The following CDH17 variants were observed in gnomAD, a reference collection of about 807,000 sequenced individuals.
CDH17 encodes cadherin-17.
CDH17 carries 67 observed loss-of-function variants against 86.3 expected under a neutral mutation model. That is an observed-to-expected ratio of 0.78 (90% CI 0.64 to 0.95). The LOEUF (loss-of-function observed/expected upper bound fraction) is 0.95, where lower values mean the gene tolerates loss of function less well. Among genes scored for constraint, CDH17 ranks in the 40% least tolerant of loss-of-function variants. The pLI is 0.00. For missense variants in CDH17, 993 were observed against 1,017.6 expected, an observed-to-expected ratio of 0.98 and a Z score of 0.33; for synonymous variants, 367 against 366.4, an observed-to-expected ratio of 1.00 and a Z score of -0.02.
intron 1 of CDH17, among the ~76,000 whole-genome samples, chr8:94,204,659 C>A (rs1311413030): frequency 2.0e-5 from 3 of 152,076 alleles, no homozygotes; most frequent in African/African-American, 4.8e-5. Flanking sequence ...TGGGTATATA[C>A]CCAGTAATGG....
At chr8:94,200,537 G>GTTTTTTTTTTTTTTTTTTTT (rs10600702) in intron 1 of CDH17, among the ~76,000 whole-genome samples, 4 of 56,914 alleles carry the variant, frequency 7.0e-5, no homozygotes, top group Admixed American at 2.4e-4. Flanking sequence ...ATTATCTTTT[G>GTTTTTTTTTTTTTTTTTTTT]TTTTTTTTTT....
intron 3 of CDH17, among the ~76,000 whole-genome samples, chr8:94,185,015 A>G (rs1314248255): frequency 6.6e-6 from 1 of 152,246 alleles, no homozygotes; most frequent in African/African-American, 2.4e-5. Flanking sequence ...ACATCTTACC[A>G]AGGCTGGGTT....
At chr8:94,194,307 C>T (rs1279695385) in intron 2 of CDH17, among the ~76,000 whole-genome samples, 1 of 152,184 alleles carries the variant, frequency 6.6e-6, no homozygotes, top group East Asian at 1.9e-4. Flanking sequence ...GATTAAGGGA[C>T]ACAGACTAAT....
intron 1 of CDH17, among the ~76,000 whole-genome samples, chr8:94,198,644 G>T (rs1323280515): frequency 6.6e-6 from 1 of 152,062 alleles, no homozygotes; most frequent in Non-Finnish European, 1.5e-5. Context: ...AGCCTTATCT[G>T]CCACTCCCTT....
upstream of CDH17, among the ~76,000 whole-genome samples, chr8:94,211,920 C>T (rs1814127770): frequency 6.6e-6 from 1 of 152,154 alleles, no homozygotes; most frequent in Non-Finnish European, 1.5e-5. Flanking sequence ...GTCATGATTA[C>T]CTGCAGGCTC....
intron 9 of CDH17, among the ~76,000 whole-genome samples, chr8:94,166,782 C>T (rs1320361906): frequency 1.3e-5 from 2 of 152,106 alleles, no homozygotes; most frequent in Admixed American, 1.3e-4. Context: ...AGGAAATGAT[C>T]TGGAGGAGGA....
chr8:94,205,866 G>A (rs1814016504), intron 1 of CDH17, among the ~76,000 whole-genome samples: 1 of 152,154 alleles, frequency 6.6e-6, no homozygotes, highest in Non-Finnish European at 1.5e-5. Context: ...AGGAAGTGGT[G>A]TGAATGCAGG....
chr8:94,145,395 C>T (rs139866062), intron 15 of CDH17, among the ~76,000 whole-genome samples: 2 of 152,240 alleles, frequency 1.3e-5, no homozygotes, highest in African/African-American at 2.4e-5. Context: ...CTATACTATT[C>T]TATTTAGATG....
rs769967333 is a variant in CDH17 at position 94,170,870 on chromosome 8, C to T, written c.899G>A (p.Arg300Gln). The T allele has an allele frequency of 8.7e-6, 14 of 1,613,232 alleles. No homozygotes were observed. The South Asian group carries it at 8.8e-5, about 10-fold the overall frequency. The change falls in exon 8 of 18, where the codon CGA becomes CAA. Residue 300 changes from arginine to glutamine, a missense_variant. Arg to Gln is a conservative substitution (Grantham distance 43). Transcript: ENST00000027335. ...GDIYVTQPLD[R>Q]EEKDAYVFYA... is the part of the protein sequence containing the mutation. Reference sequence around the variant, plus strand: ...TTTACTCACTGCATCCTTTTCTTCTCGGTCCAAGGGCTGAGTCACGTAAAT... The same window carrying T: ...TTTACTCACTGCATCCTTTTCTTCTTGGTCCAAGGGCTGAGTCACGTAAAT...
intron 3 of CDH17, 77 bp from the exon 4 acceptor site, chr8:94,177,798 T>C: frequency 6.9e-7 from 1 of 1,447,122 alleles, no homozygotes; most frequent in South Asian, 1.3e-5. Context: ...GTCACCAATT[T>C]CAGGTAAAAT....
chr8:94,199,034 GATTGATATATAT>G (rs1273267996), intron 1 of CDH17, among the ~76,000 whole-genome samples: 3 of 99,960 alleles, frequency 3.0e-5, no homozygotes, highest in Non-Finnish European at 5.3e-5. Context: ...AGCCAGTTCT[GATTGATATATAT>G]ATATATATAT....
intron 15 of CDH17, among the ~76,000 whole-genome samples, chr8:94,132,318 T>C (rs1812436694): frequency 6.6e-6 from 1 of 152,232 alleles, no homozygotes; most frequent in South Asian, 2.1e-4. Flanking sequence ...TTCCTATTTC[T>C]CCACATCCTC....
intron 1 of CDH17, among the ~76,000 whole-genome samples, chr8:94,199,038 GAT>G (rs869128612): frequency 3.2e-3 from 231 of 73,326 alleles, no homozygotes; most frequent in East Asian, 3.6e-3. Flanking sequence ...AGTTCTGATT[GAT>G]ATATATATAT....
chr8:94,183,696 TAAC>T (rs762901619), intron 3 of CDH17, among the ~76,000 whole-genome samples: 47 of 151,870 alleles, frequency 3.1e-4, no homozygotes, highest in Middle Eastern at 6.8e-3. Flanking sequence ...CAAATAACAA[TAAC>T]AATATAAATT....
intron 7 of CDH17, among the ~76,000 whole-genome samples, chr8:94,173,405 A>G (rs1813306036): frequency 1.3e-5 from 2 of 152,018 alleles, no homozygotes; most frequent in Admixed American, 1.3e-4. Flanking sequence ...TCTTGCTCCC[A>G]TTGTCGTCAT....
chr8:94,155,134 G>GA (rs1812922369), intron 12 of CDH17, among the ~76,000 whole-genome samples: 1 of 152,014 alleles, frequency 6.6e-6, no homozygotes, highest in East Asian at 1.9e-4. Flanking sequence ...AGCTAAGTGT[G>GA]AAAAAAGAGG....
In CDH17 at chr8:94,131,059, T is replaced by C. The variant is rs1586227438; in HGVS notation, c.2168-67A>G. 1.3e-5 allele frequency: 11 copies of C among 842,388 alleles called. No individual in the cohort carries two copies. In the East Asian group the frequency reaches 2.6e-4, roughly 20 times the overall value. 52.2% of individuals were successfully genotyped at this position (842,388 alleles called of 1,614,324 possible). On this transcript the variant is annotated intron_variant, in intron 15 of 17. Coordinates refer to ENST00000027335, the MANE Select transcript of CDH17 (RefSeq NM_004063.4). Reference sequence around the variant, plus strand: ...CCTGGATTAGCAGGAATAAAGCTCATTTTGTATCACATACTAAGGTTGACT... The same window carrying C: ...CCTGGATTAGCAGGAATAAAGCTCACTTTGTATCACATACTAAGGTTGACT...
rs558948296 is a variant in CDH17 at position 94,145,480 on chromosome 8, G to A, written c.2167+448C>T. On this transcript the variant is annotated intron_variant, in intron 15 of 17. Transcript: ENST00000027335. The stretch of plus-strand genomic sequence containing the variant: ...CCTGGGGAGAGGGGATGGGTGGGAA[G>A]CAGAGATTATAATAGGGCATGAAAT... 1.1e-4 allele frequency among the ~76,000 whole-genome samples: 17 copies of A among 152,300 alleles called. No homozygotes were observed. In the South Asian group the frequency reaches 3.5e-3, roughly 32 times the overall value.
chr8:94,212,844 T>A (rs1455615468), upstream of CDH17, among the ~76,000 whole-genome samples: 1 of 152,234 alleles, frequency 6.6e-6, no homozygotes, highest in Admixed American at 6.5e-5. Flanking sequence ...CAGCTACGCA[T>A]GCCATGAAGT....
Sources: gnomAD v4.1 joint callset for allele counts (sites outside exome capture counted in the v4.1 genomes callset) on GRCh38, gnomAD v4.1.1 for gene constraint, MANE v1.5 for transcripts, NCBI Gene and HGNC (gene_info 2026-07-23, HGNC 2026-07-21) for gene names.